Variants in CDS2 observed in about 807,000 individuals in gnomAD.
CDS2 encodes the protein CDP-diacylglycerol synthase 2.
CDS2 carries 47 observed loss-of-function variants against 59.0 expected under a neutral mutation model. The observed-to-expected ratio is 0.80, with a 90% CI of 0.63 to 1.02. The LOEUF is 1.02. Among genes scored for constraint, CDS2 ranks in the 50% least tolerant of loss-of-function variants. CDS2 has a pLI of 0.00. For synonymous variants in CDS2, 207 were observed against 206.4 expected (o/e 1.00, Z -0.02); for missense variants, 356 against 558.9 (o/e 0.64, Z 3.66).
Position 5,173,755 on chromosome 20 carries a change from C to T in CDS2, c.194+96C>T. On this transcript the variant is annotated intron_variant, in intron 2 of 12. Transcript: ENST00000460006. ...GCAGAGAGCCCGTGGTCTTGCAGAG[C>T]AGGCCCGCTGTCTTGCCTCAGCCTC... 2.8e-6 allele frequency: 4 copies of T among 1,442,230 alleles called. No individual in the cohort carries two copies. In the South Asian group the frequency reaches 4.8e-5, roughly 17 times the overall value. The allele number at this position is 1,442,230 out of a possible 1,614,324, so 89.3% of individuals were successfully genotyped here.
chr20:5,143,209 G>A (rs774128256), intron 1 of CDS2, among the ~76,000 whole-genome samples: 4 of 151,988 alleles, frequency 2.6e-5, no homozygotes, highest in African/African-American at 9.7e-5. Context: ...CCATCTGAGA[G>A]GTGCAAAATT....
Position 5,196,083 on chromosome 20 carries a change from C to T in CDS2, c.*5849C>T, listed in dbSNP as rs1216918690. ...CTACTGGTTTGACTGTGGATTATTT[C>T]CTGGGTATTAGTGGGACCCAACAGC... On this transcript the variant is annotated 3_prime_UTR_variant, in exon 13 of 13. Coordinates refer to ENST00000460006, the MANE Select transcript of CDS2 (RefSeq NM_003818.4). 1.3e-5 allele frequency: 2 copies of T among 152,070 alleles called. No homozygotes were observed. The highest frequency in any genetic ancestry group is 4.8e-5 in the African/African-American group (2 of 41,376). The allele number at this position is 152,070 out of a possible 1,614,324, so 9.4% of individuals were successfully genotyped here. A position where few individuals can be genotyped will look rare whatever the true frequency, so the allele number is the denominator to read the frequency against.
intron 5 of CDS2, among the ~76,000 whole-genome samples, chr20:5,179,971 G>C (rs1046236695): frequency 1.3e-5 from 2 of 152,144 alleles, no homozygotes; most frequent in African/African-American, 4.8e-5. Flanking sequence ...TTCTGTGAAT[G>C]ACACCTGACT....
intron 1 of CDS2, among the ~76,000 whole-genome samples, chr20:5,131,140 A>G (rs984723985): frequency 6.6e-6 from 1 of 152,104 alleles, no homozygotes; most frequent in East Asian, 1.9e-4. Context: ...AAGATTCCTC[A>G]AAATGTTACA....
At chr20:5,147,895 C>T (rs1222886690) in intron 1 of CDS2, among the ~76,000 whole-genome samples, 2 of 152,004 alleles carry the variant, frequency 1.3e-5, no homozygotes, top group African/African-American at 4.8e-5. Context: ...GCTCTGTGTC[C>T]CTCATTGTCT....
At chr20:5,179,686 CA>C (rs1470170662) in intron 5 of CDS2, among the ~76,000 whole-genome samples, 3 of 152,210 alleles carry the variant, frequency 2.0e-5, no homozygotes, top group Non-Finnish European at 4.4e-5. Context: ...TCTGCAACCT[CA>C]GGGGGAGCTA....
intron 1 of CDS2, among the ~76,000 whole-genome samples, chr20:5,142,069 C>G (rs966109974): frequency 6.6e-6 from 1 of 152,164 alleles, no homozygotes; most frequent in Non-Finnish European, 1.5e-5. Context: ...AATTCCAGCG[C>G]TCTAAAGGCT....
chr20:5,129,368 C>A (rs963776425), intron 1 of CDS2, among the ~76,000 whole-genome samples: 4 of 152,102 alleles, frequency 2.6e-5, no homozygotes, highest in African/African-American at 9.7e-5. Flanking sequence ...CCTCTGCCTC[C>A]CAGGTTCAAG....
intron 1 of CDS2, among the ~76,000 whole-genome samples, chr20:5,166,047 G>A (rs547537692): frequency 3.0e-4 from 45 of 152,298 alleles, no homozygotes; most frequent in African/African-American, 1.0e-3. Context: ...AGGATGGAGA[G>A]TGACACAATC....
rs796723724 is a variant in CDS2 at position 5,145,236 on chromosome 20, A to ACCCCC, written c.57+18094_57+18098dup. On this transcript the variant is annotated intron_variant, in intron 1 of 12. Transcript: ENST00000460006. Reference sequence around the variant, plus strand: ...TAGGGCGAATGGGTAGAAAGGAAAGACCCCCCCCCCCGCCCCCGCCACCAA... The same window carrying ACCCCC: ...TAGGGCGAATGGGTAGAAAGGAAAGACCCCCCCCCCCCCCCCGCCCCCGCCACCAA... Among the ~76,000 whole-genome samples the ACCCCC allele has an allele frequency of 2.4e-3, 123 of 51,956 alleles. 1 individual carries two copies. Among genetic ancestry groups the ACCCCC allele is most frequent in the Non-Finnish European group, 2.9e-3 (76 of 26,652 alleles). The allele number at this position is 51,956 out of a possible 152,430, so 34.1% of individuals were successfully genotyped here.
At chr20:5,130,675 C>T (rs2090598233) in intron 1 of CDS2, among the ~76,000 whole-genome samples, 1 of 151,948 alleles carries the variant, frequency 6.6e-6, no homozygotes, top group Admixed American at 6.6e-5. Context: ...CCCAGCTACT[C>T]AGGAGGCTGA....
At chr20:5,172,559 A>G (rs2090963829) in intron 1 of CDS2, among the ~76,000 whole-genome samples, 1 of 152,158 alleles carries the variant, frequency 6.6e-6, no homozygotes, top group Non-Finnish European at 1.5e-5. Context: ...CTGGGTTAAT[A>G]TGAGACATTG....
At chr20:5,137,324 G>A (rs2122960207) in intron 1 of CDS2, among the ~76,000 whole-genome samples, 1 of 149,762 alleles carries the variant, frequency 6.7e-6, no homozygotes, top group South Asian at 2.1e-4. Flanking sequence ...GCTCACTGCA[G>A]CCTCCGCCTC....
chr20:5,153,435 G>T (rs926150259), intron 1 of CDS2, among the ~76,000 whole-genome samples: 3 of 152,186 alleles, frequency 2.0e-5, no homozygotes, highest in Non-Finnish European at 2.9e-5. Context: ...GGAGCCACTA[G>T]CCTGACTTCT....
chr20:5,127,295 C>A, intron 1 of CDS2, 146 bp downstream of exon 1: 1 of 662,406 alleles, frequency 1.5e-6, no homozygotes, highest in Non-Finnish European at 2.2e-6. Context: ...GAAGGGCCCT[C>A]GGGTGCCCGG....
intron 1 of CDS2, among the ~76,000 whole-genome samples, chr20:5,170,315 G>A (rs2090946256): frequency 6.6e-6 from 1 of 152,194 alleles, no homozygotes; most frequent in African/African-American, 2.4e-5. Context: ...AGGAGCATGG[G>A]TTCCAGGTCC....
rs1323491324 is a variant in CDS2, at chr20:5,175,292, TCAC to T, written c.291+14_291+16del. On this transcript the variant is annotated intron_variant, in intron 3 of 12. Transcript: ENST00000460006. ...TTTGATGATAATCGTAAGTGCCATT[TCAC>T]ACTATTTTAGTTTTCCCTTCAGTTT... 1.9e-6 allele frequency: 3 copies of T among 1,602,840 alleles called. No individual in the cohort carries two copies. In the Admixed American group the frequency reaches 5.0e-5, roughly 27 times the overall value.
intron 1 of CDS2, among the ~76,000 whole-genome samples, chr20:5,149,734 G>C (rs2090773566): frequency 6.6e-6 from 1 of 150,458 alleles, no homozygotes; most frequent in Non-Finnish European, 1.5e-5. Context: ...TTGTTTTTTT[G>C]AGACAGAACG....
At chr20:5,158,466 G>A (rs2090851393) in intron 1 of CDS2, among the ~76,000 whole-genome samples, 1 of 152,152 alleles carries the variant, frequency 6.6e-6, no homozygotes, top group Admixed American at 6.5e-5. Flanking sequence ...GTAAGCCACT[G>A]GGCCTGGCCT....
Sources: gnomAD v4.1 joint callset for allele counts (sites outside exome capture counted in the v4.1 genomes callset) on GRCh38, gnomAD v4.1.1 for gene constraint, MANE v1.5 for transcripts, NCBI Gene and HGNC (gene_info 2026-07-23, HGNC 2026-07-21) for gene names.